OSBP2: variants seen among roughly 807,000 people sequenced by gnomAD.
The protein encoded by OSBP2 is oxysterol-binding protein 2.
Under a neutral mutation model 96.0 loss-of-function variants are expected in OSBP2, and 66 were observed. That is an observed-to-expected ratio of 0.69 (90% CI 0.56 to 0.84). The LOEUF is 0.84. OSBP2 is among the 40% of genes least tolerant of loss of function. The pLI is 0.00. For synonymous variants in OSBP2, 525 were observed against 520.9 expected, an observed-to-expected ratio of 1.01 and a Z score of -0.11; for missense variants, 1,038 against 1,222.7, an observed-to-expected ratio of 0.85 and a Z score of 2.25.
At chr22:30,760,079 G>A (rs901263083) in intron 2 of OSBP2, among the ~76,000 whole-genome samples, 1 of 151,748 alleles carries the variant, frequency 6.6e-6, no homozygotes, top group African/African-American at 2.4e-5. Flanking sequence ...TGTTGGCCAG[G>A]GTCATCCTGA....
At chr22:30,878,689 C>T (rs958709529) in intron 3 of OSBP2, among the ~76,000 whole-genome samples, 5 of 152,120 alleles carry the variant, frequency 3.3e-5, no homozygotes, top group South Asian at 2.1e-4. Flanking sequence ...GGAGAGATGC[C>T]GCACTCTTGG....
intron 2 of OSBP2, among the ~76,000 whole-genome samples, chr22:30,824,411 C>A (rs2038353324): frequency 6.6e-6 from 1 of 152,134 alleles, no homozygotes; most frequent in South Asian, 2.1e-4. Context: ...GGGGGGAATA[C>A]GGGAGTTTGT....
chr22:30,829,137 C>G (rs1338951627), intron 2 of OSBP2, among the ~76,000 whole-genome samples: 1 of 152,156 alleles, frequency 6.6e-6, no homozygotes, highest in Non-Finnish European at 1.5e-5. Context: ...CTGGTAGCCC[C>G]AAGGAGCCTG....
Position 30,870,300 on chromosome 22 carries a change from G to A in OSBP2, c.854-129G>A, listed in dbSNP as rs1039496531. ...CCTCACCCCGGCCAGGAACAGGAAC[G>A]GGCACCATCTCGGGGACTGATGTTT... On this transcript the variant is annotated intron_variant, in intron 2 of 13. Coordinates refer to ENST00000332585, the MANE Select transcript of OSBP2 (RefSeq NM_030758.4). This position sits in a 1 kb window ranked among gnomAD's most constrained non-coding sequence, Gnocchi z 4.1. 4 of 966,662 alleles carry A rather than the reference G, an allele frequency of 4.1e-6. No homozygotes were observed. The highest frequency in any genetic ancestry group is 6.1e-6 in the Non-Finnish European group (4 of 651,674). 59.9% of individuals were successfully genotyped at this position (966,662 alleles called of 1,614,324 possible).
At chr22:30,886,171 A>G (rs1278560346) in intron 3 of OSBP2, among the ~76,000 whole-genome samples, 2 of 151,982 alleles carry the variant, frequency 1.3e-5, no homozygotes, top group African/African-American at 4.9e-5. Context: ...TTGGTTTTAT[A>G]TATTTTAGGG....
intron 1 of OSBP2, among the ~76,000 whole-genome samples, chr22:30,715,664 G>T (rs977072541): frequency 6.6e-6 from 1 of 151,116 alleles, no homozygotes; most frequent in African/African-American, 2.4e-5. Context: ...CGATTCTCCT[G>T]CCTCAGCCTC....
intron 3 of OSBP2, among the ~76,000 whole-genome samples, chr22:30,880,887 G>T (rs932994469): frequency 1.3e-5 from 2 of 152,182 alleles, no homozygotes; most frequent in Non-Finnish European, 2.9e-5. Context: ...GACCTCACAT[G>T]GCATGGCCCC....
chr22:30,865,367 A>G (rs5753357), intron 2 of OSBP2, among the ~76,000 whole-genome samples: 36,077 of 152,032 alleles, frequency 0.24, 4,884 homozygotes, highest in East Asian at 0.4. Context: ...GCTCACGCCT[A>G]TAATCCCAGC....
At chr22:30,785,704 G>C (rs1314720726) in intron 2 of OSBP2, among the ~76,000 whole-genome samples, 1 of 151,950 alleles carries the variant, frequency 6.6e-6, no homozygotes, top group East Asian at 1.9e-4. Flanking sequence ...CCCACATATC[G>C]AGGGAGGGAG....
At chr22:30,734,522 G>A (rs1602190978) in intron 1 of OSBP2, among the ~76,000 whole-genome samples, 1 of 152,164 alleles carries the variant, frequency 6.6e-6, no homozygotes. Context: ...AACCTTCATA[G>A]AGAGGGTTAC....
At position 30,715,366 on chromosome 22, in the gene OSBP2, C is replaced by G. The variant is rs1375000710; in HGVS notation, c.644+19813C>G. On this transcript the variant is annotated intron_variant, in intron 1 of 13. Transcript: ENST00000332585. ...TGATAAGTGATGAGCATCTCTCTCT[C>G]TCTTTTTTTTTTTTTGGCCAGGGAG... Among the ~76,000 whole-genome samples, 6 of 98,438 alleles carry G rather than the reference C, an allele frequency of 6.1e-5. No homozygotes were observed. The South Asian group carries it at 1.9e-3, about 30-fold the overall frequency. 64.6% of individuals were successfully genotyped at this position (98,438 alleles called of 152,430 possible).
At chr22:30,704,717 C>G (rs1192028341) in intron 1 of OSBP2, among the ~76,000 whole-genome samples, 2 of 152,034 alleles carry the variant, frequency 1.3e-5, no homozygotes, top group Non-Finnish European at 2.9e-5. Context: ...CTCAGCCTCC[C>G]AAAGTGCTGG....
At chr22:30,895,893 G>A (rs1383228601) in intron 12 of OSBP2, among the ~76,000 whole-genome samples, 30 of 150,596 alleles carry the variant, frequency 2.0e-4, no homozygotes, top group Admixed American at 1.3e-3. Flanking sequence ...AGCCGAGATC[G>A]TGCCACTGCA....
chr22:30,854,267 ACTTTGTTTTCT>A (rs1353629926), intron 2 of OSBP2, among the ~76,000 whole-genome samples: 2 of 149,154 alleles, frequency 1.3e-5, no homozygotes, highest in Admixed American at 6.7e-5. Flanking sequence ...CCTACAATAC[ACTTTGTTTTCT>A]CTTTGTTTTC....
chr22:30,724,432 G>A (rs990089960), intron 1 of OSBP2, among the ~76,000 whole-genome samples: 2 of 152,096 alleles, frequency 1.3e-5, no homozygotes, highest in African/African-American at 4.8e-5. Context: ...TGTTGACCAG[G>A]CTGGTCTCCA....
chr22:30,718,243 C>T (rs2145699225), intron 1 of OSBP2, among the ~76,000 whole-genome samples: 1 of 152,258 alleles, frequency 6.6e-6, no homozygotes, highest in East Asian at 1.9e-4. Context: ...CTACAAAGTC[C>T]AGTGGCAAAA....
intron 12 of OSBP2, chr22:30,902,329 C>T: frequency 1.3e-6 from 2 of 1,589,856 alleles, no homozygotes; most frequent in Non-Finnish European, 1.7e-6. Flanking sequence ...GAGACAAAGA[C>T]ACAGATAAAT....
intron 1 of OSBP2, among the ~76,000 whole-genome samples, chr22:30,723,939 T>G (rs1409435442): frequency 6.6e-6 from 1 of 152,164 alleles, no homozygotes; most frequent in Non-Finnish European, 1.5e-5. Context: ...GTGCGGTACC[T>G]TCTATGGACT....
intron 2 of OSBP2, among the ~76,000 whole-genome samples, chr22:30,756,740 G>GGAT (rs1199351549): frequency 2.0e-5 from 3 of 152,008 alleles, no homozygotes; most frequent in African/African-American, 7.2e-5. Flanking sequence ...TTGTCAAGAG[G>GGAT]GATAAATCAA....
Sources: allele counts gnomAD v4.1 joint callset (sites outside exome capture counted in the v4.1 genomes callset), GRCh38; gene constraint gnomAD v4.1.1; non-coding constraint Gnocchi (gnomAD v3.1); transcripts MANE v1.5; gene names NCBI Gene and HGNC (gene_info 2026-07-23, HGNC 2026-07-21).